Variants in PAQR5 observed in about 807,000 individuals in gnomAD.
PAQR5 encodes membrane progestin receptor gamma.
Under a neutral mutation model 34.5 loss-of-function variants are expected in PAQR5, and 20 were observed. The observed-to-expected ratio is 0.58, with a 90% CI of 0.41 to 0.84. The LOEUF (loss-of-function observed/expected upper bound fraction) is 0.84, where lower values mean the gene tolerates loss of function less well. PAQR5 is among the 40% of genes least tolerant of loss of function. PAQR5 has a pLI of 0.00. For synonymous variants in PAQR5, 131 were observed against 155.6 expected (o/e 0.84, Z 1.18); for missense variants, 378 against 412.7 (o/e 0.92, Z 0.73).
intron 2 of PAQR5, among the ~76,000 whole-genome samples, chr15:69,353,487 T>G (rs1453680576): frequency 6.6e-6 from 1 of 152,220 alleles, no homozygotes; most frequent in African/African-American, 2.4e-5. Context: ...TTCACTGGTC[T>G]TACCATGTTC....
Position 69,329,085 on chromosome 15 carries a change from C to T in PAQR5, c.-276-8256C>T, listed in dbSNP as rs556915606. Reference sequence around the variant, plus strand: ...TGGACGCCAGGTTACCCTGGGAATGCGGCTTCGCCCTTGTTCACCAGGCAC... The same window carrying T: ...TGGACGCCAGGTTACCCTGGGAATGTGGCTTCGCCCTTGTTCACCAGGCAC... On this transcript the variant is annotated intron_variant, in intron 1 of 8. Coordinates refer to ENST00000395407, the MANE Select transcript of PAQR5 (RefSeq NM_017705.4). 2.6e-3 allele frequency among the ~76,000 whole-genome samples: 393 copies of T among 152,366 alleles called. 5 individuals carry two copies. Among genetic ancestry groups the T allele is most frequent in the African/African-American group, 8.9e-3 (371 of 41,586 alleles).
intron 3 of PAQR5, among the ~76,000 whole-genome samples, chr15:69,368,357 A>G (rs2055459888): frequency 6.6e-6 from 1 of 152,198 alleles, no homozygotes; most frequent in African/African-American, 2.4e-5. Flanking sequence ...GTCTGCTTTT[A>G]ACTCTTCTGG....
At chr15:69,347,463 C>A (rs939030467) in intron 2 of PAQR5, among the ~76,000 whole-genome samples, 10 of 152,208 alleles carry the variant, frequency 6.6e-5, no homozygotes, top group African/African-American at 2.2e-4. Context: ...AGGAAACTTA[C>A]ACCCCATATT....
In PAQR5 at chr15:69,404,940, G is replaced by C; in HGVS notation, c.*1118G>C. ...AGATGATTCTAATACAGGAGGGCCA[G>C]AGGCCAAACTTGAAGAACTGCTGGT... On this transcript the variant is annotated 3_prime_UTR_variant, in exon 9 of 9. Coordinates refer to ENST00000395407, the MANE Select transcript of PAQR5 (RefSeq NM_017705.4). 1 of 398,614 alleles carries C rather than the reference G, an allele frequency of 2.5e-6. No individual in the cohort carries two copies. Among genetic ancestry groups the C allele is most frequent in the Non-Finnish European group, 4.4e-6 (1 of 226,050 alleles). 24.7% of individuals were successfully genotyped at this position (398,614 alleles called of 1,614,324 possible).
intron 1 of PAQR5, among the ~76,000 whole-genome samples, chr15:69,312,998 C>T (rs2053865413): frequency 1.3e-5 from 2 of 152,310 alleles, no homozygotes; most frequent in South Asian, 4.1e-4. Context: ...TGTATCGTTG[C>T]TTACACAGTT....
intron 2 of PAQR5, among the ~76,000 whole-genome samples, chr15:69,358,712 G>A (rs1325403839): frequency 6.9e-6 from 1 of 144,940 alleles, no homozygotes; most frequent in Non-Finnish European, 1.5e-5. Context: ...GCTCACAGCA[G>A]CCTTGACCTC....
intron 3 of PAQR5, among the ~76,000 whole-genome samples, chr15:69,365,730 T>C (rs2055385508): frequency 6.6e-6 from 1 of 152,222 alleles, no homozygotes; most frequent in African/African-American, 2.4e-5. Flanking sequence ...CTATTTATTC[T>C]ATGGGGAAAA....
At chr15:69,390,637 G>A (rs191454860) in intron 6 of PAQR5, among the ~76,000 whole-genome samples, 11 of 152,188 alleles carry the variant, frequency 7.2e-5, no homozygotes, top group Admixed American at 2.0e-4. Flanking sequence ...CAAATGGAAG[G>A]ATTACAGGTA....
chr15:69,301,917 G>T (rs2053614649), intron 1 of PAQR5, among the ~76,000 whole-genome samples: 3 of 133,648 alleles, frequency 2.2e-5, no homozygotes, highest in Admixed American at 7.9e-5. Context: ...TAGGAGTCAA[G>T]AATGGTGGCA....
Position 69,300,912 on chromosome 15 carries a change from C to CT in PAQR5, c.-277+1856_-277+1857insT, listed in dbSNP as rs1555411095. Among the ~76,000 whole-genome samples the CT allele has an allele frequency of 3.1e-4, 4 of 13,058 alleles. 1 individual carries two copies. The Admixed American group carries it at 3.8e-3, about 13-fold the overall frequency. 8.6% of individuals were successfully genotyped at this position (13,058 alleles called of 152,430 possible). A position where few individuals can be genotyped will look rare whatever the true frequency, so the allele number is the denominator to read the frequency against. On this transcript the variant is annotated intron_variant, in intron 1 of 8. Transcript: ENST00000395407. Reference sequence around the variant, plus strand: ...TTCTTTCTTCCTTCCTTCCTTCCTTCCTTTCTCTCTCTCTCTCTCTCTCTC... The same window carrying CT: ...TTCTTTCTTCCTTCCTTCCTTCCTTCTCTTTCTCTCTCTCTCTCTCTCTCTC...
At chr15:69,299,927 TTTGAAC>T (rs1566984587) in intron 1 of PAQR5, among the ~76,000 whole-genome samples, 1 of 151,932 alleles carries the variant, frequency 6.6e-6, no homozygotes. Context: ...CCTGATTTCA[TTTGAAC>T]CTAACAAACC....
At chr15:69,382,642 T>C (rs1294292906) in intron 4 of PAQR5, among the ~76,000 whole-genome samples, 1 of 3,128 alleles carries the variant, frequency 3.2e-4, no homozygotes, top group Non-Finnish European at 7.8e-4. Flanking sequence ...AGACTCTGTC[T>C]CAAAAAAAAA....
At chr15:69,331,527 T>C (rs1397210755) in intron 1 of PAQR5, among the ~76,000 whole-genome samples, 1 of 152,034 alleles carries the variant, frequency 6.6e-6, no homozygotes, top group African/African-American at 2.4e-5. Flanking sequence ...TCAGGAGAGG[T>C]TGCTAATGGA....
At chr15:69,378,526 A>G (rs916614021) in intron 3 of PAQR5, among the ~76,000 whole-genome samples, 3 of 151,574 alleles carry the variant, frequency 2.0e-5, no homozygotes, top group African/African-American at 7.3e-5. Context: ...CCTCTCTTAC[A>G]CTAAGAAATT....
At chr15:69,300,939 CTTTCTTTCCTTCTTTCTTTCTT>C (rs1566986713) in intron 1 of PAQR5, among the ~76,000 whole-genome samples, 6 of 37,358 alleles carry the variant, frequency 1.6e-4, no homozygotes, top group African/African-American at 4.8e-4. Context: ...CTCTCTCTCT[CTTTCTTTCCTTCTTTCTTTCTT>C]TCTTTCTTTC....
At chr15:69,360,236 C>A in intron 3 of PAQR5, 105 bp downstream of exon 3, 1 of 767,158 alleles carries the variant, frequency 1.3e-6, no homozygotes, top group Non-Finnish European at 2.2e-6. Context: ...TGTACAGGCC[C>A]ATTCCCTTCA....
intron 3 of PAQR5, among the ~76,000 whole-genome samples, chr15:69,374,584 T>C (rs2055653750): frequency 1.3e-5 from 2 of 152,046 alleles, no homozygotes; most frequent in South Asian, 4.1e-4. Context: ...GGCTGAGGCA[T>C]GAGAATCACT....
intron 2 of PAQR5, among the ~76,000 whole-genome samples, chr15:69,339,040 C>T (rs1015805823): frequency 5.9e-5 from 9 of 152,126 alleles, no homozygotes; most frequent in African/African-American, 1.2e-4. Context: ...CAGCAGGCAC[C>T]GCTCAGATCA....
intron 4 of PAQR5, among the ~76,000 whole-genome samples, chr15:69,380,610 C>T (rs1026644617): frequency 2.6e-5 from 4 of 152,122 alleles, no homozygotes; most frequent in Non-Finnish European, 5.9e-5. Context: ...ATGGAAGTGG[C>T]CAGGGAAGCG....
Sources: gnomAD v4.1 joint callset for allele counts (sites outside exome capture counted in the v4.1 genomes callset) on GRCh38, gnomAD v4.1.1 for gene constraint, MANE v1.5 for transcripts, NCBI Gene and HGNC (gene_info 2026-07-23, HGNC 2026-07-21) for gene names.